The following SYNPR variants were observed in gnomAD, a reference collection of about 807,000 sequenced individuals.
SYNPR encodes synaptoporin.
A neutral mutation model predicts 32.9 loss-of-function variants in SYNPR; 23 were observed. The ratio of observed to expected loss-of-function variants is 0.70; its 90% confidence interval spans 0.50 to 0.99. The LOEUF (loss-of-function observed/expected upper bound fraction) is 0.99, where lower values mean the gene tolerates loss of function less well. SYNPR is among the 50% of genes least tolerant of loss of function. The probability of loss-of-function intolerance (pLI) is 0.00; values close to 1 mark genes in which losing one functional copy is unlikely to be tolerated. For missense variants in SYNPR, 318 were observed against 349.3 expected, an observed-to-expected ratio of 0.91 and a Z score of 0.71; for synonymous variants, 146 against 135.9, an observed-to-expected ratio of 1.07 and a Z score of -0.52.
chr3:63,395,802 A>C (rs1469394324), intron 2 of SYNPR, among the ~76,000 whole-genome samples: 2 of 152,046 alleles, frequency 1.3e-5, no homozygotes, highest in Non-Finnish European at 2.9e-5. Flanking sequence ...TGAGGATCAT[A>C]CTTAAATGTT....
Position 63,521,728 on chromosome 3 carries a change from A to G in SYNPR, c.210-34815A>G, listed in dbSNP as rs552786651. ...AAATCTGGATCTAAGTTCCTAACTC[A>G]TAATGGTATTAGTCAGGGCCCTTGC... On this transcript the variant is annotated intron_variant, in intron 3 of 5. Coordinates refer to ENST00000478300, the MANE Select transcript of SYNPR (RefSeq NM_001130003.2). 6.6e-5 allele frequency among the ~76,000 whole-genome samples: 10 copies of G among 152,358 alleles called. No individual in the cohort carries two copies. In the South Asian group the frequency reaches 2.1e-3, roughly 32 times the overall value.
intron 2 of SYNPR, among the ~76,000 whole-genome samples, chr3:63,293,351 T>C (rs1211063202): frequency 6.6e-6 from 1 of 152,166 alleles, no homozygotes; most frequent in Non-Finnish European, 1.5e-5. Context: ...GTAGAGCCGT[T>C]TTATGCATAA....
intron 1 of SYNPR, among the ~76,000 whole-genome samples, chr3:63,231,717 G>A (rs2086168196): frequency 6.6e-6 from 1 of 152,132 alleles, no homozygotes; most frequent in Non-Finnish European, 1.5e-5. Flanking sequence ...AGCAGCACTC[G>A]AAGGAGAGAA....
chr3:63,205,145 T>A, the SYNPR span, among the ~76,000 whole-genome samples: 2 of 152,202 alleles, frequency 1.3e-5, no homozygotes, highest in Non-Finnish European at 2.9e-5. Context: ...TTTTATACTA[T>A]GTGTGTGATT....
intron 1 of SYNPR, among the ~76,000 whole-genome samples, chr3:63,237,535 C>T (rs191108003): frequency 1.3e-5 from 2 of 152,080 alleles, no homozygotes; most frequent in East Asian, 1.9e-4. Context: ...TGATTTATCG[C>T]GGTGGGCGTT....
intron 2 of SYNPR, among the ~76,000 whole-genome samples, chr3:63,309,827 C>T (rs2086945071): frequency 6.6e-6 from 1 of 151,978 alleles, no homozygotes; most frequent in African/African-American, 2.4e-5. Flanking sequence ...ACACTTTATC[C>T]TCATTTTTGT....
At chr3:63,312,459 G>C (rs935970654) in intron 2 of SYNPR, among the ~76,000 whole-genome samples, 1 of 151,570 alleles carries the variant, frequency 6.6e-6, no homozygotes, top group African/African-American at 2.4e-5. Flanking sequence ...TTTTTCAGTG[G>C]GGCTATTTCA....
At chr3:63,504,643 G>A (rs947138455) in intron 3 of SYNPR, among the ~76,000 whole-genome samples, 1 of 152,110 alleles carries the variant, frequency 6.6e-6, no homozygotes, top group Non-Finnish European at 1.5e-5. Context: ...AATGAAAAGA[G>A]ATTGCCACAA....
intron 1 of SYNPR, among the ~76,000 whole-genome samples, chr3:63,237,852 T>C (rs1296962481): frequency 6.6e-6 from 1 of 152,042 alleles, no homozygotes; most frequent in Non-Finnish European, 1.5e-5. Context: ...CTGGTAGGGA[T>C]TTCTCCAGGC....
chr3:63,548,282 G>A (rs1348235327), intron 3 of SYNPR, among the ~76,000 whole-genome samples: 2 of 152,086 alleles, frequency 1.3e-5, no homozygotes, highest in South Asian at 2.1e-4. Flanking sequence ...AAGCCTGAGT[G>A]CTAAGTTTTC....
chr3:63,463,082 C>A (rs1173855262), intron 2 of SYNPR, among the ~76,000 whole-genome samples: 1 of 152,184 alleles, frequency 6.6e-6, no homozygotes, highest in Non-Finnish European at 1.5e-5. Flanking sequence ...GAAATAAATT[C>A]TATGCCACCC....
intron 1 of SYNPR, among the ~76,000 whole-genome samples, chr3:63,242,904 GGAAATCT>G (rs1481105636): frequency 6.6e-6 from 1 of 151,886 alleles, no homozygotes; most frequent in African/African-American, 2.4e-5. Flanking sequence ...AGAATGAAAT[GGAAATCT>G]GAAAATAAAA....
intron 2 of SYNPR, among the ~76,000 whole-genome samples, chr3:63,266,565 G>T (rs1343610014): frequency 8.6e-5 from 13 of 151,828 alleles, no homozygotes; most frequent in Admixed American, 8.5e-4. Context: ...AAATTAGCCG[G>T]GCTTTGTGGT....
intron 2 of SYNPR, among the ~76,000 whole-genome samples, chr3:63,361,442 C>CA (rs1005410503): frequency 9.2e-5 from 14 of 151,764 alleles, no homozygotes; most frequent in African/African-American, 2.2e-4. Flanking sequence ...AAAAAAAATA[C>CA]AAAAAATTAG....
At chr3:63,609,393 G>A (rs1170883769) in intron 5 of SYNPR, 77 bp downstream of exon 5, 1 of 1,326,428 alleles carries the variant, frequency 7.5e-7, no homozygotes, top group African/African-American at 1.5e-5. Flanking sequence ...CATCTCAGAA[G>A]TCATCTTGAA....
At chr3:63,447,825 T>A (rs1013176150) in intron 2 of SYNPR, among the ~76,000 whole-genome samples, 1 of 152,102 alleles carries the variant, frequency 6.6e-6, no homozygotes, top group African/African-American at 2.4e-5. Flanking sequence ...TGTTTTCTTA[T>A]AGTTTCTAGA....
intron 3 of SYNPR, among the ~76,000 whole-genome samples, chr3:63,510,944 T>TGTGTG (rs1559521520): frequency 1.4e-5 from 2 of 147,214 alleles, no homozygotes; most frequent in Non-Finnish European, 3.0e-5. Context: ...TGCGCGCACG[T>TGTGTG]TGTGTGTGTG....
At chr3:63,210,795 CCCTT>C in the SYNPR span, among the ~76,000 whole-genome samples, 99,768 of 143,694 alleles carry the variant, frequency 0.69, 33,975 homozygotes, top group Middle Eastern at 0.8. Context: ...CCATTTTCCT[CCCTT>C]CCTTCCTTCC....
intron 2 of SYNPR, among the ~76,000 whole-genome samples, chr3:63,412,280 A>G (rs1203849357): frequency 6.6e-6 from 1 of 152,158 alleles, no homozygotes; most frequent in African/African-American, 2.4e-5. Context: ...AAGTAGACAG[A>G]TATGAGGGTC....
Sources: gnomAD v4.1 joint callset for allele counts (sites outside exome capture counted in the v4.1 genomes callset) on GRCh38, gnomAD v4.1.1 for gene constraint, MANE v1.5 for transcripts, NCBI Gene and HGNC (gene_info 2026-07-23, HGNC 2026-07-21) for gene names.